Variants in SAMD7 observed in about 807,000 individuals in gnomAD.
SAMD7 encodes the protein sterile alpha motif domain-containing protein 7.
A neutral mutation model predicts 36.7 loss-of-function variants in SAMD7; 34 were observed. The observed-to-expected ratio is 0.93, with a 90% CI of 0.71 to 1.23. The LOEUF is 1.23. Among genes scored for constraint, SAMD7 ranks in the 50% most tolerant of loss-of-function variants. SAMD7 has a pLI of 0.00. For missense variants in SAMD7, 570 were observed against 546.6 expected (o/e 1.04, Z -0.43); for synonymous variants, 188 against 189.7 (o/e 0.99, Z 0.07).
At chr3:169,926,422 G>A in intron 5 of SAMD7, 131 bp from the exon 6 acceptor site, 1 of 1,176,506 alleles carries the variant, frequency 8.5e-7, no homozygotes, top group Admixed American at 2.8e-5. Flanking sequence ...GCTTTGTGGG[G>A]GATTCATGTT....
At chr3:169,931,810 G>T (rs1427339211) in intron 7 of SAMD7, among the ~76,000 whole-genome samples, 1 of 152,130 alleles carries the variant, frequency 6.6e-6, no homozygotes, top group Non-Finnish European at 1.5e-5. Context: ...CTCCTCGGGG[G>T]CCATGCTGCA....
In SAMD7 at chr3:169,918,750, A is replaced by G. The variant is rs1026566291; in HGVS notation, c.-41-708A>G. 7.2e-5 allele frequency among the ~76,000 whole-genome samples: 11 copies of G among 152,368 alleles called. No homozygotes were observed. In the East Asian group the frequency reaches 7.7e-4, roughly 11 times the overall value. The stretch of plus-strand genomic sequence containing the variant: ...TTCTCCTCCCTCATTTTCTGGTGTT[A>G]AATCTTATCAACTAAATAGGAATAT... On this transcript the variant is annotated intron_variant, in intron 2 of 8. Transcript: ENST00000335556.
At chr3:169,911,971 T>C (rs937776292) in intron 1 of SAMD7, 150 bp downstream of exon 1, 3 of 152,226 alleles carry the variant, frequency 2.0e-5, no homozygotes, top group Non-Finnish European at 4.4e-5. Flanking sequence ...ACTAACAGTA[T>C]GTGAGCTAAT....
chr3:169,926,951 A>C lies in SAMD7; in HGVS notation c.689A>C (p.Glu230Ala). 2 of 1,614,024 alleles carry C rather than the reference A, an allele frequency of 1.2e-6. No individual in the cohort carries two copies. Among genetic ancestry groups the C allele is most frequent in the Non-Finnish European group, 1.7e-6 (2 of 1,179,976 alleles). The change falls in exon 6 of 9, where the codon GAA (glutamate) becomes GCA (alanine). Residue 230 changes from glutamate (E) to alanine (A), a missense_variant. Transcript: ENST00000335556. ...CATTATGCAAAAGACCCAGACATTG[A>C]AGCACCCAGCAACCAGAAGTCAAGT... ...EDHYAKDPDI[E>A]APSNQKSSET...
rs564972494 is a variant in SAMD7, at chr3:169,911,646, A to G, written c.-292A>G. On this transcript the variant is annotated 5_prime_UTR_variant, in exon 1 of 9. Coordinates refer to ENST00000335556, the MANE Select transcript of SAMD7 (RefSeq NM_001304366.2). ...TTCTGTCATGAAATAGGACTAATCA[A>G]CTTAGTTGAATTTGTATTTAAAGCA... 2.6e-5 allele frequency: 4 copies of G among 152,340 alleles called. No homozygotes were observed. The South Asian group carries it at 8.3e-4, about 32-fold the overall frequency. 9.4% of individuals were successfully genotyped at this position (152,340 alleles called of 1,614,324 possible).
At chr3:169,926,493 T>C (rs1332504222) in intron 5 of SAMD7, 60 bp from the exon 6 acceptor site, 1 of 1,494,740 alleles carries the variant, frequency 6.7e-7, no homozygotes, top group African/African-American at 1.4e-5. Context: ...CAAGGGGTCA[T>C]TAAAATTACA....
At chr3:169,928,380 A>G (rs925764200) in intron 6 of SAMD7, 77 bp from the exon 7 acceptor site, 17 of 1,310,326 alleles carry the variant, frequency 1.3e-5, no homozygotes, top group Non-Finnish European at 1.7e-5. Flanking sequence ...CTCTGGGGTG[A>G]TAGAATATAA....
intron 2 of SAMD7, among the ~76,000 whole-genome samples, chr3:169,916,742 C>T (rs1386113549): frequency 1.3e-5 from 2 of 152,184 alleles, no homozygotes; most frequent in Admixed American, 6.6e-5. Flanking sequence ...TAGAGACCAT[C>T]GATTCATGAC....
At chr3:169,918,464 A>C (rs1305826892) in intron 2 of SAMD7, among the ~76,000 whole-genome samples, 3 of 152,230 alleles carry the variant, frequency 2.0e-5, no homozygotes, top group African/African-American at 4.8e-5. Flanking sequence ...AATGAAGAAG[A>C]AGCTAAAATG....
chr3:169,936,217 A>G lies in SAMD7; in HGVS notation c.1042-122A>G, dbSNP rs556293638. ...AGAGCAACTAAAAAAAGGTTTTACA[A>G]ATTTTTTTGTCATCCTCAAGCAGTC... On this transcript the variant is annotated intron_variant, in intron 7 of 8. Transcript: ENST00000335556. 1.8e-5 allele frequency: 11 copies of G among 625,516 alleles called. No homozygotes were observed. In the African/African-American group the frequency reaches 2.0e-4, roughly 12 times the overall value. The allele number at this position is 625,516 out of a possible 1,614,324, so 38.7% of individuals were successfully genotyped here.
rs756338221 is a variant in SAMD7 at position 169,925,135 on chromosome 3, A to C, written c.289A>C (p.Arg97=). The change falls in exon 5 of 9, where the codon AGG becomes CGG. Residue 97 remains arginine (R), a splice_region_variant and synonymous_variant. Coordinates refer to ENST00000335556, the MANE Select transcript of SAMD7 (RefSeq NM_001304366.2). ...NEMIQRHHTA[R]TEMEMYAIYQ... is the part of the protein sequence containing the mutation. ...AATGATTCAACGGCATCATACTGCC[A>C]GGTAATTTGGCAATGTTGTTTTATT... 3 of 1,600,636 alleles carry C rather than the reference A, an allele frequency of 1.9e-6. No homozygotes were observed. Among genetic ancestry groups the C allele is most frequent in the African/African-American group, 1.3e-5 (1 of 74,592 alleles).
intron 7 of SAMD7, among the ~76,000 whole-genome samples, 169 bp downstream of exon 7, chr3:169,928,747 G>A (rs552999023): frequency 2.0e-5 from 3 of 152,222 alleles, no homozygotes; most frequent in East Asian, 3.9e-4. Flanking sequence ...TGGAACTTGG[G>A]TCATACACCC....
chr3:169,919,047 G>A (rs1199544777), intron 2 of SAMD7, among the ~76,000 whole-genome samples: 3 of 152,198 alleles, frequency 2.0e-5, no homozygotes, highest in Non-Finnish European at 4.4e-5. Flanking sequence ...TCTGGAGGCT[G>A]AGGCAGGAGA....
intron 6 of SAMD7, among the ~76,000 whole-genome samples, chr3:169,928,126 C>T (rs569377385): frequency 2.6e-5 from 4 of 152,302 alleles, no homozygotes; most frequent in Non-Finnish European, 4.4e-5. Context: ...ATTGTCTCAT[C>T]TCGAAAGCAG....
At chr3:169,925,810 A>T (rs1323843945) in intron 5 of SAMD7, among the ~76,000 whole-genome samples, 1 of 152,186 alleles carries the variant, frequency 6.6e-6, no homozygotes, top group African/African-American at 2.4e-5. Flanking sequence ...CCCATAATTA[A>T]AATGCCTACG....
At chr3:169,933,496 G>C (rs567783757) in intron 7 of SAMD7, among the ~76,000 whole-genome samples, 1 of 152,122 alleles carries the variant, frequency 6.6e-6, no homozygotes, top group Non-Finnish European at 1.5e-5. Context: ...CATCATAGTT[G>C]GTCAGTCTTA....
At chr3:169,924,479 T>C (rs1354482161) in intron 4 of SAMD7, among the ~76,000 whole-genome samples, 5 of 151,968 alleles carry the variant, frequency 3.3e-5, no homozygotes, top group Non-Finnish European at 7.4e-5. Flanking sequence ...CCCAGCTACT[T>C]GGGAGGCTGA....
chr3:169,938,549 G>A lies in SAMD7; in HGVS notation c.*43G>A. On this transcript the variant is annotated 3_prime_UTR_variant, in exon 9 of 9. Coordinates refer to ENST00000335556, the MANE Select transcript of SAMD7 (RefSeq NM_001304366.2). ...GAATAGTCTTAGCCAGTTTTCCAAAGAGCCTAGGATATTACAAAGGATGTG... is the reference window on the plus strand; with the variant it reads ...GAATAGTCTTAGCCAGTTTTCCAAAAAGCCTAGGATATTACAAAGGATGTG... 1 of 1,276,240 alleles carries A rather than the reference G, an allele frequency of 7.8e-7. No individual in the cohort carries two copies. Among genetic ancestry groups the A allele is most frequent in the Non-Finnish European group, 1.1e-6 (1 of 895,242 alleles). 79.1% of individuals were successfully genotyped at this position (1,276,240 alleles called of 1,614,324 possible).
Position 169,931,064 on chromosome 3 carries a change from C to T in SAMD7, c.1041+2486C>T, listed in dbSNP as rs967947099. Among the ~76,000 whole-genome samples the T allele has an allele frequency of 6.6e-5, 10 of 152,102 alleles. 1 individual carries two copies. The highest frequency in any genetic ancestry group is 5.9e-4 in the Admixed American group (9 of 15,278). On this transcript the variant is annotated intron_variant, in intron 7 of 8. Coordinates refer to ENST00000335556, the MANE Select transcript of SAMD7 (RefSeq NM_001304366.2). ...AGCAGAAAAAAAATAACAACTAAAA[C>T]CCAAAGCCCCAAGTGCAAATGAACT...
Sources: allele counts gnomAD v4.1 joint callset (sites outside exome capture counted in the v4.1 genomes callset), GRCh38; gene constraint gnomAD v4.1.1; transcripts MANE v1.5; gene names NCBI Gene and HGNC (gene_info 2026-07-23, HGNC 2026-07-21).